CLOCK: variants seen among roughly 807,000 people sequenced by gnomAD.
The protein encoded by CLOCK is circadian locomoter output cycles protein kaput.
Under a neutral mutation model 118.4 loss-of-function variants are expected in CLOCK, and 43 were observed. The observed-to-expected ratio is 0.36, with a 90% CI of 0.28 to 0.47. CLOCK has a LOEUF of 0.47. Ranked by LOEUF, CLOCK falls within the 20% of genes least tolerant of loss-of-function variation. The pLI is 1.00. For synonymous variants in CLOCK, 326 were observed against 339.2 expected, an observed-to-expected ratio of 0.96 and a Z score of 0.43; for missense variants, 846 against 999.9, an observed-to-expected ratio of 0.85 and a Z score of 2.08.
rs946113177 is a variant in CLOCK at position 55,522,387 on chromosome 4, C to T, written c.-289-12322G>A. ...CATAAACAAATGAAAAGACAAACCACGGACTGAGAAAATATACCACAGAAG... is the reference window on the plus strand; with the variant it reads ...CATAAACAAATGAAAAGACAAACCATGGACTGAGAAAATATACCACAGAAG... On this transcript the variant is annotated intron_variant, in intron 1 of 22. Transcript: ENST00000513440. Among the ~76,000 whole-genome samples the T allele has an allele frequency of 3.3e-5, 5 of 151,666 alleles. No homozygotes were observed. The East Asian group carries it at 7.7e-4, about 23-fold the overall frequency.
rs1249326927 is a variant in CLOCK, at chr4:55,427,986, G to GTGTT, written c.*7425_*7428dup. 2 of 152,176 alleles carry GTGTT rather than the reference G, an allele frequency of 1.3e-5. No homozygotes were observed. Among genetic ancestry groups the GTGTT allele is most frequent in the East Asian group, 3.8e-4 (2 of 5,196 alleles). The allele number at this position is 152,176 out of a possible 1,614,324, so 9.4% of individuals were successfully genotyped here. On this transcript the variant is annotated 3_prime_UTR_variant, in exon 23 of 23. Coordinates refer to ENST00000513440, the MANE Select transcript of CLOCK (RefSeq NM_004898.4). Reference sequence around the variant, plus strand: ...ACAAGTTATGTGCCACATGAAGCAGGTGTTATTTTTTGAGAAATGCAGGTG... The same window carrying GTGTT: ...ACAAGTTATGTGCCACATGAAGCAGGTGTTTGTTATTTTTTGAGAAATGCAGGTG...
At position 55,435,172 on chromosome 4, in the gene CLOCK, C is replaced by G; in HGVS notation, c.*243G>C. On this transcript the variant is annotated 3_prime_UTR_variant, in exon 23 of 23. Transcript: ENST00000513440. ...TATTCTTTTTCCATCAAAAAATATC[C>G]AGGCACCTAAAACACTGTCAGAACT... The G allele has an allele frequency of 1.9e-6, 1 of 522,794 alleles. No individual in the cohort carries two copies. Among genetic ancestry groups the G allele is most frequent in the East Asian group, 3.3e-5 (1 of 29,986 alleles). The allele number at this position is 522,794 out of a possible 1,614,324, so 32.4% of individuals were successfully genotyped here. A position where few individuals can be genotyped will look rare whatever the true frequency, so the allele number is the denominator to read the frequency against.
At chr4:55,450,712 T>C (rs1346827726) in intron 15 of CLOCK, among the ~76,000 whole-genome samples, 1 of 151,252 alleles carries the variant, frequency 6.6e-6, no homozygotes, top group Admixed American at 6.6e-5. Context: ...GAGGATGTAG[T>C]GAGCCGAGAT....
intron 7 of CLOCK, 96 bp downstream of exon 7, chr4:55,475,867 A>G (rs1726475815): frequency 1.3e-6 from 1 of 787,884 alleles, no homozygotes. Context: ...CTGGAACTCA[A>G]CTCGCAATAT....
chr4:55,458,141 G>T (rs1725042734), intron 11 of CLOCK, among the ~76,000 whole-genome samples: 1 of 152,122 alleles, frequency 6.6e-6, no homozygotes, highest in Non-Finnish European at 1.5e-5. Flanking sequence ...GTTCACTGCA[G>T]CCTCGACCTC....
chr4:55,489,353 C>T (rs949094808), intron 3 of CLOCK, 21 bp downstream of exon 3: 1 of 152,114 alleles, frequency 6.6e-6, no homozygotes, highest in Non-Finnish European at 1.5e-5. Flanking sequence ...ACGATGCATT[C>T]TAAGATGCAC....
Position 55,473,275 on chromosome 4 carries a change from AG to A in CLOCK, c.349-2470del, listed in dbSNP as rs369035022. ...TCCTCAATTTCCCCATCTGAAAGCAAGAAACAGATACTATTGTCTACTTCAT... is the reference window on the plus strand; with the variant it reads ...TCCTCAATTTCCCCATCTGAAAGCAAAAACAGATACTATTGTCTACTTCAT... On this transcript the variant is annotated intron_variant, in intron 7 of 22. Coordinates refer to ENST00000513440, the MANE Select transcript of CLOCK (RefSeq NM_004898.4). 1.5e-3 allele frequency among the ~76,000 whole-genome samples: 230 copies of A among 152,282 alleles called. 3 individuals carry two copies. The South Asian group carries it at 0.046, about 31-fold the overall frequency.
rs150288378 is a variant in CLOCK at position 55,437,674 on chromosome 4, C to G, written c.2361+608G>C. On this transcript the variant is annotated intron_variant, in intron 22 of 22. Transcript: ENST00000513440. ...CAATTATTATGACCTCCACTTTACA[C>G]GTGACGTTTACCAAGAGTAAGCAAC... 3.9e-5 allele frequency among the ~76,000 whole-genome samples: 6 copies of G among 152,302 alleles called. No individual in the cohort carries two copies. The South Asian group carries it at 8.3e-4, about 21-fold the overall frequency.
rs1723558354 is a variant in CLOCK, at chr4:55,443,722, T to G, written c.1867A>C (p.Ile623Leu). 1.2e-6 allele frequency: 2 copies of G among 1,614,052 alleles called. No homozygotes were observed. Among genetic ancestry groups the G allele is most frequent in the Admixed American group, 1.7e-5 (1 of 60,006 alleles). ...GTACTCTGTAAAGTCTGTTGTTGTA[T>G]CATGTGCTGAGTTGTGCCAATGTGT... ...TGHIGTTQHMIQQQTLQSTST... is the reference protein window; with the variant it reads ...TGHIGTTQHMLQQQTLQSTST... The change falls in exon 20 of 23, where the codon ATA becomes CTA. Residue 623 changes from isoleucine (I) to leucine (L), a missense_variant. Ile to Leu is a conservative substitution (Grantham distance 5, BLOSUM62 2). Transcript: ENST00000513440.
At chr4:55,480,083 T>G (rs1264049745) in intron 4 of CLOCK, among the ~76,000 whole-genome samples, 3 of 152,226 alleles carry the variant, frequency 2.0e-5, no homozygotes, top group African/African-American at 7.2e-5. Flanking sequence ...TCTTAGATAT[T>G]TACTTTCTAA....
intron 18 of CLOCK, among the ~76,000 whole-genome samples, chr4:55,445,096 CG>C (rs1467522831): frequency 7.6e-6 from 1 of 132,004 alleles, no homozygotes; most frequent in African/African-American, 2.5e-5. Flanking sequence ...AGGGTGCCAA[CG>C]GGAAGCTTTT....
At chr4:55,526,531 T>C (rs1730198421) in intron 1 of CLOCK, among the ~76,000 whole-genome samples, 2 of 152,134 alleles carry the variant, frequency 1.3e-5, no homozygotes, top group Non-Finnish European at 2.9e-5. Context: ...ACAGTAGCAA[T>C]GTCACATTCA....
intron 3 of CLOCK, among the ~76,000 whole-genome samples, chr4:55,487,134 C>T (rs1727349450): frequency 1.3e-5 from 2 of 152,284 alleles, no homozygotes; most frequent in South Asian, 4.2e-4. Context: ...GTTCATACTT[C>T]ATGGATATAG....
intron 2 of CLOCK, among the ~76,000 whole-genome samples, chr4:55,495,478 AACTC>A (rs1363573516): frequency 6.6e-6 from 1 of 152,028 alleles, no homozygotes; most frequent in East Asian, 1.9e-4. Context: ...ACTTCCTTGT[AACTC>A]ACTGTCATTT....
At chr4:55,533,094 C>T (rs1266133524) in intron 1 of CLOCK, among the ~76,000 whole-genome samples, 3 of 152,118 alleles carry the variant, frequency 2.0e-5, no homozygotes, top group Admixed American at 6.6e-5. Context: ...TTCTCAATGA[C>T]ATTTTTTTTG....
At position 55,482,743 on chromosome 4, in the gene CLOCK, C is replaced by T. The variant is rs772807282; in HGVS notation, c.43G>A (p.Asp15Asn). 5 of 1,605,424 alleles carry T rather than the reference C, an allele frequency of 3.1e-6. No homozygotes were observed. Among genetic ancestry groups the T allele is most frequent in the Admixed American group, 3.4e-5 (2 of 59,676 alleles). Residue 15 changes from aspartate (D) to asparagine (N), a missense_variant, in exon 4 of 23, where the codon GAC becomes AAC. By Grantham distance (23) the Asp-to-Asn change is conservative. Coordinates refer to ENST00000513440, the MANE Select transcript of CLOCK (RefSeq NM_004898.4). ...VSCSKMSSIVDRDDSSIFDGL... is the reference protein window; with the variant it reads ...VSCSKMSSIVNRDDSSIFDGL... ...AATAAGTCTTCAAAAACATACCTGT[C>T]AACAATCGAGCTCATTTTACTACAG...
intron 1 of CLOCK, among the ~76,000 whole-genome samples, chr4:55,513,607 CT>C (rs1729302140): frequency 6.6e-6 from 1 of 152,046 alleles, no homozygotes; most frequent in Non-Finnish European, 1.5e-5. Context: ...TTGTTCTTTT[CT>C]TTCAATTTTA....
At position 55,433,301 on chromosome 4, in the gene CLOCK, TTACTGATTGA is replaced by T. The variant is rs1157403970; in HGVS notation, c.*2104_*2113del. 6.6e-6 allele frequency: 1 copy of T among 152,624 alleles called. No individual in the cohort carries two copies. Among genetic ancestry groups the T allele is most frequent in the Non-Finnish European group, 1.5e-5 (1 of 68,024 alleles). 9.5% of individuals were successfully genotyped at this position (152,624 alleles called of 1,614,324 possible). A position where few individuals can be genotyped will look rare whatever the true frequency, so the allele number is the denominator to read the frequency against. On this transcript the variant is annotated 3_prime_UTR_variant, in exon 23 of 23. Transcript: ENST00000513440. ...CTAGAAGAGCTCCTTGATATGTTAA[TTACTGATTGA>T]TATCTAGTCACACTTCTTTTGTAGA...
intron 1 of CLOCK, among the ~76,000 whole-genome samples, chr4:55,533,055 T>C (rs1730659180): frequency 6.6e-6 from 1 of 152,160 alleles, no homozygotes; most frequent in Non-Finnish European, 1.5e-5. Flanking sequence ...CCTAAAGCAA[T>C]CTATAGATTC....
Sources: allele counts gnomAD v4.1 joint callset (sites outside exome capture counted in the v4.1 genomes callset), GRCh38; gene constraint gnomAD v4.1.1; transcripts MANE v1.5; gene names NCBI Gene and HGNC (gene_info 2026-07-23, HGNC 2026-07-21).